The following CSMD3 variants were observed in gnomAD, a reference collection of about 807,000 sequenced individuals.
CSMD3 encodes CUB and Sushi multiple domains 3.
CSMD3 carries 177 observed loss-of-function variants against 435.2 expected under a neutral mutation model. The ratio of observed to expected loss-of-function variants is 0.41; its 90% CI spans 0.36 to 0.46. CSMD3 has a LOEUF of 0.46. Among genes scored for constraint, CSMD3 ranks in the 20% least tolerant of loss-of-function variants. The pLI, the probability that CSMD3 is intolerant of heterozygous loss-of-function variation, is 0.34. For synonymous variants in CSMD3, 1,656 were observed against 1,520.5 expected, an observed-to-expected ratio of 1.09 and a Z score of -2.07; for missense variants, 4,265 against 4,504.6, an observed-to-expected ratio of 0.95 and a Z score of 1.52.
At chr8:112,565,346 G>A (rs2131267821) in intron 24 of CSMD3, among the ~76,000 whole-genome samples, 1 of 152,126 alleles carries the variant, frequency 6.6e-6, no homozygotes, top group Non-Finnish European at 1.5e-5. Context: ...AAGAATAAAG[G>A]TAGAGTTAAT....
chr8:113,355,717 TA>T lies in CSMD3; in HGVS notation c.179-40925del, dbSNP rs1430130220. Among the ~76,000 whole-genome samples the T allele has an allele frequency of 2.5e-4, 20 of 79,070 alleles. No homozygotes were observed. In the East Asian group the frequency reaches 5.4e-3, roughly 21 times the overall value. The allele number at this position is 79,070 out of a possible 152,430, so 51.9% of individuals were successfully genotyped here. On this transcript the variant is annotated intron_variant, in intron 1 of 70. Coordinates refer to ENST00000297405, the MANE Select transcript of CSMD3 (RefSeq NM_198123.2). ...CTGAATAAATAACTCTTAAAAGTTT[TA>T]TTTTTATATATATATATATATATAT...
intron 32 of CSMD3, among the ~76,000 whole-genome samples, chr8:112,419,567 T>G (rs1271528593): frequency 3.3e-5 from 5 of 152,180 alleles, no homozygotes; most frequent in Non-Finnish European, 7.3e-5. Context: ...TTTCTTTGTG[T>G]GATACTTTTG....
intron 5 of CSMD3, among the ~76,000 whole-genome samples, chr8:113,045,320 A>G (rs1365586884): frequency 2.0e-5 from 3 of 149,250 alleles, no homozygotes; most frequent in South Asian, 2.1e-4. Flanking sequence ...CACCCTTTCC[A>G]TAATTGTACC....
rs530802394 is a variant in CSMD3, at chr8:112,309,796, T to C, written c.7885+1182A>G. 3.9e-5 allele frequency among the ~76,000 whole-genome samples: 6 copies of C among 152,274 alleles called. No homozygotes were observed. In the East Asian group the frequency reaches 1.2e-3, roughly 29 times the overall value. On this transcript the variant is annotated intron_variant, in intron 50 of 70. Coordinates refer to ENST00000297405, the MANE Select transcript of CSMD3 (RefSeq NM_198123.2). ...TCCTTTTATGAATTATAAATTGCACTCTAATAGGTAAAAGAAGCCATTTCA... is the reference window on the plus strand; with the variant it reads ...TCCTTTTATGAATTATAAATTGCACCCTAATAGGTAAAAGAAGCCATTTCA...
intron 3 of CSMD3, among the ~76,000 whole-genome samples, chr8:113,192,212 A>G (rs1704151443): frequency 6.6e-6 from 1 of 151,720 alleles, no homozygotes; most frequent in Non-Finnish European, 1.5e-5. Flanking sequence ...GCTAATGTTG[A>G]TGTTTTGAAA....
At chr8:112,709,616 C>T (rs1362767923) in intron 13 of CSMD3, among the ~76,000 whole-genome samples, 2 of 151,970 alleles carry the variant, frequency 1.3e-5, no homozygotes, top group Non-Finnish European at 2.9e-5. Flanking sequence ...CTTTCTGAAG[C>T]TTATTTAAAG....
At chr8:113,368,110 A>T (rs1311019419) in intron 1 of CSMD3, among the ~76,000 whole-genome samples, 3 of 152,070 alleles carry the variant, frequency 2.0e-5, no homozygotes, top group African/African-American at 7.2e-5. Context: ...AGCCAAATGA[A>T]AATTTTCTTT....
intron 32 of CSMD3, among the ~76,000 whole-genome samples, chr8:112,413,301 C>T (rs1056257625): frequency 8.5e-5 from 13 of 152,090 alleles, no homozygotes; most frequent in African/African-American, 3.1e-4. Context: ...AGTATCCATC[C>T]AAATAAGATT....
chr8:112,963,394 C>T (rs1336864758), intron 7 of CSMD3, among the ~76,000 whole-genome samples: 1 of 151,848 alleles, frequency 6.6e-6, no homozygotes, highest in Non-Finnish European at 1.5e-5. Flanking sequence ...ATGAACATAC[C>T]TCTGGTACAT....
intron 1 of CSMD3, among the ~76,000 whole-genome samples, chr8:113,347,922 A>G (rs1044490798): frequency 2.0e-5 from 3 of 152,132 alleles, no homozygotes; most frequent in Admixed American, 6.6e-5. Flanking sequence ...AGATAATTAT[A>G]TTTTCCAGGA....
At chr8:113,161,624 T>C (rs2092040776) in intron 4 of CSMD3, among the ~76,000 whole-genome samples, 1 of 152,110 alleles carries the variant, frequency 6.6e-6, no homozygotes, top group Admixed American at 6.6e-5. Flanking sequence ...TTCTCTCTTT[T>C]TATGATAGAT....
intron 4 of CSMD3, among the ~76,000 whole-genome samples, chr8:113,163,853 A>C (rs1419595211): frequency 6.6e-6 from 1 of 152,008 alleles, no homozygotes; most frequent in Non-Finnish European, 1.5e-5. Context: ...TTCAATACAA[A>C]GGCATTGTTT....
chr8:113,409,426 T>C (rs895764736), intron 1 of CSMD3, among the ~76,000 whole-genome samples: 1 of 152,038 alleles, frequency 6.6e-6, no homozygotes, highest in Non-Finnish European at 1.5e-5. Flanking sequence ...TTAGTTCCTA[T>C]CTCTTTTCAC....
intron 28 of CSMD3, among the ~76,000 whole-genome samples, chr8:112,509,266 T>G (rs1822848489): frequency 6.6e-6 from 1 of 152,080 alleles, no homozygotes; most frequent in Non-Finnish European, 1.5e-5. Context: ...ATCTTTGTAT[T>G]TTTGGAGAGA....
At chr8:113,039,711 C>G (rs1057279876) in intron 5 of CSMD3, among the ~76,000 whole-genome samples, 1 of 152,056 alleles carries the variant, frequency 6.6e-6, no homozygotes, top group Non-Finnish European at 1.5e-5. Flanking sequence ...AAAATTGTAT[C>G]AGGACTATTT....
At chr8:112,307,041 A>T (rs1274532159) in intron 50 of CSMD3, among the ~76,000 whole-genome samples, 1 of 151,968 alleles carries the variant, frequency 6.6e-6, no homozygotes, top group African/African-American at 2.4e-5. Context: ...AGAAAAAAAA[A>T]AACACATAAT....
intron 1 of CSMD3, among the ~76,000 whole-genome samples, chr8:113,385,626 G>T (rs1365344010): frequency 6.6e-6 from 1 of 152,050 alleles, no homozygotes; most frequent in African/African-American, 2.4e-5. Flanking sequence ...ATATAAGTCT[G>T]CACCCCAGGG....
At chr8:112,327,063 C>T (rs900599459) in intron 45 of CSMD3, among the ~76,000 whole-genome samples, 4 of 151,944 alleles carry the variant, frequency 2.6e-5, no homozygotes, top group Non-Finnish European at 5.9e-5. Flanking sequence ...AATTGGATAT[C>T]CTTGTTTTAC....
chr8:112,846,985 G>T (rs1431096979), intron 11 of CSMD3, among the ~76,000 whole-genome samples: 1 of 151,950 alleles, frequency 6.6e-6, no homozygotes, highest in Non-Finnish European at 1.5e-5. Flanking sequence ...TTCTTGGCTT[G>T]GGGAACCTTG....
Sources: allele counts gnomAD v4.1 joint callset (sites outside exome capture counted in the v4.1 genomes callset), GRCh38; gene constraint gnomAD v4.1.1; transcripts MANE v1.5; gene names NCBI Gene and HGNC (gene_info 2026-07-23, HGNC 2026-07-21).